Variants in ST6GALNAC3 observed in about 807,000 individuals in gnomAD.
The protein encoded by ST6GALNAC3 is alpha-N-acetylgalactosaminide alpha-2,6-sialyltransferase 3.
In ST6GALNAC3, 25 loss-of-function variants were observed where a neutral mutation model predicts 32.7. The ratio of observed to expected loss-of-function variants is 0.76; its 90% CI spans 0.56 to 1.07. The LOEUF is 1.07. Among genes scored for constraint, ST6GALNAC3 ranks in the 50% least tolerant of loss-of-function variants. ST6GALNAC3 has a pLI of 0.00. For synonymous variants in ST6GALNAC3, 129 were observed against 133.1 expected, an observed-to-expected ratio of 0.97 and a Z score of 0.21; for missense variants, 355 against 382.4, an observed-to-expected ratio of 0.93 and a Z score of 0.60.
At chr1:76,499,452 T>C (rs576553995) in intron 3 of ST6GALNAC3, among the ~76,000 whole-genome samples, 1 of 152,238 alleles carries the variant, frequency 6.6e-6, no homozygotes, top group Admixed American at 6.5e-5. Context: ...ACCTTATTAA[T>C]CCCCTCTCTT....
intron 3 of ST6GALNAC3, among the ~76,000 whole-genome samples, chr1:76,592,942 T>G (rs1647071818): frequency 6.6e-6 from 1 of 152,134 alleles, no homozygotes; most frequent in East Asian, 1.9e-4. Flanking sequence ...AAATCCACTT[T>G]TAAAAGGGGA....
Position 76,375,385 on chromosome 1 carries a change from A to C in ST6GALNAC3, c.214-36623A>C, listed in dbSNP as rs74580583. Among the ~76,000 whole-genome samples, 70 of 152,324 alleles carry C rather than the reference A, an allele frequency of 4.6e-4. 2 individuals are homozygous for C. The East Asian group carries it at 0.013, about 28-fold the overall frequency. On this transcript the variant is annotated intron_variant, in intron 2 of 4. Coordinates refer to ENST00000328299, the MANE Select transcript of ST6GALNAC3 (RefSeq NM_152996.4). ...TATTGGGAAAAAATTGAAACAGAAA[A>C]TGTTCCTAGACAGGAGAAAAATGTC...
intron 1 of ST6GALNAC3, among the ~76,000 whole-genome samples, chr1:76,232,767 C>T (rs182679314): frequency 6.6e-6 from 1 of 152,318 alleles, no homozygotes; most frequent in Non-Finnish European, 1.5e-5. Flanking sequence ...TGTGGTTGAG[C>T]AATAATGAAC....
rs1409163365 is a variant in ST6GALNAC3 at position 76,526,832 on chromosome 1, A to G, written c.624-100620A>G. On this transcript the variant is annotated intron_variant, in intron 3 of 4. Coordinates refer to ENST00000328299, the MANE Select transcript of ST6GALNAC3 (RefSeq NM_152996.4). ...AATTGCTGTAGACACTTTAGTTCCT[A>G]ATTAAACTGTATTGTTTATGATGTT... Among the ~76,000 whole-genome samples, 3 of 152,086 alleles carry G rather than the reference A, an allele frequency of 2.0e-5. No individual in the cohort carries two copies. The East Asian group carries it at 5.8e-4, about 29-fold the overall frequency.
intron 1 of ST6GALNAC3, among the ~76,000 whole-genome samples, chr1:76,122,401 C>G (rs1040907915): frequency 1.3e-5 from 2 of 152,180 alleles, no homozygotes; most frequent in African/African-American, 4.8e-5. Context: ...ACAGGTCAAA[C>G]ATGCCCCTAT....
At chr1:76,306,691 G>GT (rs111521980) in intron 1 of ST6GALNAC3, among the ~76,000 whole-genome samples, 4 of 147,808 alleles carry the variant, frequency 2.7e-5, no homozygotes, top group Non-Finnish European at 6.0e-5. Context: ...GGGGGCGGGG[G>GT]GTGCAGACAT....
chr1:76,594,417 T>A (rs1297104995), intron 3 of ST6GALNAC3, among the ~76,000 whole-genome samples: 1 of 152,198 alleles, frequency 6.6e-6, no homozygotes, highest in African/African-American at 2.4e-5. Context: ...AATACCTATA[T>A]TGACTTTCAA....
At chr1:76,525,512 A>G (rs1161284319) in intron 3 of ST6GALNAC3, among the ~76,000 whole-genome samples, 2 of 151,612 alleles carry the variant, frequency 1.3e-5, no homozygotes, top group Non-Finnish European at 2.9e-5. Context: ...GATGATATAG[A>G]TTATCTCATG....
chr1:76,545,016 C>T (rs887586675), intron 3 of ST6GALNAC3, among the ~76,000 whole-genome samples: 1 of 152,176 alleles, frequency 6.6e-6, no homozygotes, highest in African/African-American at 2.4e-5. Flanking sequence ...TGCTGCAGAT[C>T]AGTGAGAACT....
At chr1:76,201,430 CG>C (rs1330960969) in intron 1 of ST6GALNAC3, among the ~76,000 whole-genome samples, 1 of 152,144 alleles carries the variant, frequency 6.6e-6, no homozygotes, top group Non-Finnish European at 1.5e-5. Flanking sequence ...TACCTTCCAC[CG>C]GGTTCCTCCC....
intron 2 of ST6GALNAC3, among the ~76,000 whole-genome samples, chr1:76,369,280 T>A (rs1443040395): frequency 6.6e-6 from 1 of 152,160 alleles, no homozygotes; most frequent in Non-Finnish European, 1.5e-5. Context: ...TTTTTCAACA[T>A]GCTCAGGTAT....
intron 3 of ST6GALNAC3, among the ~76,000 whole-genome samples, chr1:76,468,451 T>C (rs1658797161): frequency 6.6e-6 from 1 of 152,028 alleles, no homozygotes. Flanking sequence ...ATGCTGTAAT[T>C]TTTCTTTGTG....
At chr1:76,383,449 T>TC (rs1320597940) in intron 2 of ST6GALNAC3, among the ~76,000 whole-genome samples, 2 of 150,798 alleles carry the variant, frequency 1.3e-5, no homozygotes, top group Non-Finnish European at 3.0e-5. Flanking sequence ...TAATTTTTTT[T>TC]TTTTTTTTGT....
At chr1:76,254,685 AACTGTCTC>A (rs1186246082) in intron 1 of ST6GALNAC3, among the ~76,000 whole-genome samples, 1 of 151,948 alleles carries the variant, frequency 6.6e-6, no homozygotes, top group African/African-American at 2.4e-5. Context: ...TCCTGCCTTA[AACTGTCTC>A]GGATTATACA....
chr1:76,113,305 G>T (rs528697162), intron 1 of ST6GALNAC3, among the ~76,000 whole-genome samples: 1 of 147,298 alleles, frequency 6.8e-6, no homozygotes, highest in Non-Finnish European at 1.5e-5. Context: ...TCCAGCTTCC[G>T]CTCGGCATCA....
At chr1:76,555,239 C>CT (rs1192615839) in intron 3 of ST6GALNAC3, among the ~76,000 whole-genome samples, 5 of 152,040 alleles carry the variant, frequency 3.3e-5, no homozygotes, top group Non-Finnish European at 7.4e-5. Context: ...AGATTACAAT[C>CT]TAATCAGACA....
intron 3 of ST6GALNAC3, among the ~76,000 whole-genome samples, chr1:76,493,367 G>T (rs1660619166): frequency 6.6e-6 from 1 of 152,104 alleles, no homozygotes; most frequent in Non-Finnish European, 1.5e-5. Context: ...GAATTTAGAG[G>T]ATACTAGAAG....
At chr1:76,463,886 G>C (rs1658451148) in intron 3 of ST6GALNAC3, among the ~76,000 whole-genome samples, 1 of 152,124 alleles carries the variant, frequency 6.6e-6, no homozygotes, top group Non-Finnish European at 1.5e-5. Flanking sequence ...TAGAGGGAAG[G>C]AGAATGGAGA....
intron 1 of ST6GALNAC3, among the ~76,000 whole-genome samples, chr1:76,258,759 A>C (rs1167085866): frequency 2.0e-5 from 3 of 152,196 alleles, no homozygotes; most frequent in Non-Finnish European, 4.4e-5. Context: ...AGGATCTGGC[A>C]ATAAGAAAGC....
Sources: allele counts gnomAD v4.1 joint callset (sites outside exome capture counted in the v4.1 genomes callset), GRCh38; gene constraint gnomAD v4.1.1; transcripts MANE v1.5; gene names NCBI Gene and HGNC (gene_info 2026-07-23, HGNC 2026-07-21).